The following NPAS3 variants were observed in gnomAD, a reference collection of about 807,000 sequenced individuals.
The protein encoded by NPAS3 is neuronal PAS domain-containing protein 3.
A neutral mutation model predicts 73.1 loss-of-function variants in NPAS3; 14 were observed. The observed-to-expected ratio is 0.19, with a 90% CI of 0.13 to 0.30. NPAS3 has a LOEUF of 0.30. Ranked by LOEUF, NPAS3 falls within the 10% of genes least tolerant of loss-of-function variation. NPAS3 has a pLI of 1.00. For synonymous variants in NPAS3, 620 were observed against 541.5 expected (o/e 1.14, Z -2.01); for missense variants, 1,096 against 1,250.0 (o/e 0.88, Z 1.86).
intron 6 of NPAS3, among the ~76,000 whole-genome samples, chr14:33,684,549 C>T (rs1158365897): frequency 6.6e-5 from 10 of 152,118 alleles, no homozygotes; most frequent in Admixed American, 5.2e-4. Flanking sequence ...CTGCCCGCCT[C>T]GGCCTCCCAA....
At chr14:33,257,319 C>T (rs532334146) in intron 3 of NPAS3, among the ~76,000 whole-genome samples, 1 of 152,118 alleles carries the variant, frequency 6.6e-6, no homozygotes, top group Non-Finnish European at 1.5e-5. Flanking sequence ...TCTCTTGGTG[C>T]CTTCACCATA....
intron 4 of NPAS3, among the ~76,000 whole-genome samples, chr14:33,471,309 C>T (rs985057851): frequency 1.3e-5 from 2 of 152,206 alleles, no homozygotes; most frequent in Admixed American, 6.5e-5. Context: ...TCCTTATTCA[C>T]CGCTTTTTGC....
intron 6 of NPAS3, among the ~76,000 whole-genome samples, chr14:33,712,215 C>T (rs569112154): frequency 1.6e-4 from 25 of 152,230 alleles, no homozygotes; most frequent in Non-Finnish European, 2.5e-4. Flanking sequence ...CAGAGTCTCC[C>T]CCTTGGAGGG....
chr14:33,103,155 C>G (rs923732763), intron 2 of NPAS3, among the ~76,000 whole-genome samples: 1 of 152,176 alleles, frequency 6.6e-6, no homozygotes, highest in African/African-American at 2.4e-5. Context: ...TATGGTGTGA[C>G]TTCTGCATGC....
intron 1 of NPAS3, among the ~76,000 whole-genome samples, chr14:33,017,904 A>C (rs1171481862): frequency 6.6e-6 from 1 of 152,228 alleles, no homozygotes; most frequent in African/African-American, 2.4e-5. Context: ...AATACATGTA[A>C]AGTTCATAAC....
rs184603875 is a variant in NPAS3 at position 33,436,110 on chromosome 14, T to C, written c.468+68842T>C. Among the ~76,000 whole-genome samples, 1,323 of 152,290 alleles carry C rather than the reference T, an allele frequency of 8.7e-3. 70 individuals are homozygous for C. Among genetic ancestry groups the C allele is most frequent in the Admixed American group, 0.077 (1,184 of 15,296 alleles). On this transcript the variant is annotated intron_variant, in intron 4 of 11. Transcript: ENST00000356141. Reference sequence around the variant, plus strand: ...GCAGTTACACAAATGTCAGTATGCCTGAAGTTGAGTCATCTTAGTCATAGA... The same window carrying C: ...GCAGTTACACAAATGTCAGTATGCCCGAAGTTGAGTCATCTTAGTCATAGA...
intron 6 of NPAS3, among the ~76,000 whole-genome samples, chr14:33,683,622 T>G (rs2060003868): frequency 6.6e-6 from 1 of 152,172 alleles, no homozygotes; most frequent in Non-Finnish European, 1.5e-5. Context: ...ACAGCAGACT[T>G]ACTTATGAAG....
rs187353604 is a variant in NPAS3 at position 33,567,650 on chromosome 14, A to G, written c.558+7440A>G. On this transcript the variant is annotated intron_variant, in intron 5 of 11. Coordinates refer to ENST00000356141, the Ensembl canonical transcript of NPAS3. ...ATTTCCAGCATTAGAAATCGGTAGAATAATCTGCTGGCTGTCACTCTATGC... is the reference window on the plus strand; with the variant it reads ...ATTTCCAGCATTAGAAATCGGTAGAGTAATCTGCTGGCTGTCACTCTATGC... Among the ~76,000 whole-genome samples the G allele has an allele frequency of 3.3e-5, 5 of 152,326 alleles. No homozygotes were observed. In the East Asian group the frequency reaches 7.7e-4, roughly 23 times the overall value.
intron 2 of NPAS3, among the ~76,000 whole-genome samples, chr14:33,152,424 G>T (rs138859140): frequency 6.6e-6 from 1 of 152,152 alleles, no homozygotes; most frequent in Non-Finnish European, 1.5e-5. Context: ...ATTACACTTA[G>T]CTGGCCTCTG....
chr14:33,638,589 G>C (rs771361426), intron 5 of NPAS3, among the ~76,000 whole-genome samples: 12 of 152,208 alleles, frequency 7.9e-5, no homozygotes, highest in Non-Finnish European at 1.5e-4. Flanking sequence ...AACACACTAA[G>C]TGCTCAATAG....
At chr14:33,169,552 A>G (rs917806195) in intron 2 of NPAS3, among the ~76,000 whole-genome samples, 2 of 152,226 alleles carry the variant, frequency 1.3e-5, no homozygotes, top group Admixed American at 1.3e-4. Flanking sequence ...TGGGTGACAG[A>G]GCAAGACTCT....
At chr14:33,092,651 G>A (rs1421624997) in intron 2 of NPAS3, among the ~76,000 whole-genome samples, 5 of 152,232 alleles carry the variant, frequency 3.3e-5, no homozygotes, top group African/African-American at 9.6e-5. Context: ...AAAAGAGCCC[G>A]CATTGCCAAG....
intron 1 of NPAS3, among the ~76,000 whole-genome samples, chr14:32,944,700 A>G (rs2036180950): frequency 1.3e-5 from 2 of 152,222 alleles, no homozygotes; most frequent in Non-Finnish European, 1.5e-5. Context: ...TAGTAATATT[A>G]GTAATACTAC....
chr14:33,158,634 G>A (rs1044570665), intron 2 of NPAS3, among the ~76,000 whole-genome samples: 2 of 152,136 alleles, frequency 1.3e-5, no homozygotes, highest in Non-Finnish European at 2.9e-5. Context: ...CTGAAGATAA[G>A]ACAGCAGAGG....
intron 3 of NPAS3, among the ~76,000 whole-genome samples, chr14:33,315,478 C>T (rs188114031): frequency 1.8e-4 from 26 of 147,792 alleles, no homozygotes; most frequent in Middle Eastern, 3.4e-3. Flanking sequence ...CAAGGGAGGA[C>T]GTTTTGCATG....
intron 2 of NPAS3, among the ~76,000 whole-genome samples, chr14:33,104,996 A>T (rs2042680815): frequency 1.3e-5 from 2 of 152,168 alleles, no homozygotes; most frequent in African/African-American, 4.8e-5. Flanking sequence ...ACTAGCCAAC[A>T]TAGGAATTTT....
chr14:33,425,385 T>C (rs747310054), intron 4 of NPAS3, among the ~76,000 whole-genome samples: 3 of 152,028 alleles, frequency 2.0e-5, no homozygotes, highest in South Asian at 2.1e-4. Flanking sequence ...GTTACTTTTA[T>C]GTGATTGCAA....
chr14:33,599,594 TC>T (rs748004853), intron 5 of NPAS3, among the ~76,000 whole-genome samples: 1 of 152,152 alleles, frequency 6.6e-6, no homozygotes. Flanking sequence ...ACTGCATAAT[TC>T]CCTTCTACTG....
intron 6 of NPAS3, among the ~76,000 whole-genome samples, chr14:33,728,038 A>C (rs1293554217): frequency 1.3e-5 from 2 of 152,148 alleles, no homozygotes; most frequent in Non-Finnish European, 1.5e-5. Context: ...GTATAGAAAC[A>C]CCCACTGGTA....
Sources: allele counts gnomAD v4.1 joint callset (sites outside exome capture counted in the v4.1 genomes callset), GRCh38; gene constraint gnomAD v4.1.1; transcripts MANE v1.5; gene names NCBI Gene and HGNC (gene_info 2026-07-23, HGNC 2026-07-21).